Variants in NMNAT3 observed in about 807,000 individuals in gnomAD.
NMNAT3 encodes nicotinamide nucleotide adenylyltransferase 3.
Under a neutral mutation model 24.8 loss-of-function variants are expected in NMNAT3, and 21 were observed. The observed-to-expected ratio is 0.85, with a 90% CI of 0.60 to 1.22. The LOEUF (loss-of-function observed/expected upper bound fraction) is 1.22, where lower values mean the gene tolerates loss of function less well. Among genes scored for constraint, NMNAT3 ranks in the 50% most tolerant of loss-of-function variants. NMNAT3 has a pLI of 0.00. For missense variants in NMNAT3, 387 were observed against 436.6 expected (o/e 0.89, Z 1.01); for synonymous variants, 136 against 155.2 (o/e 0.88, Z 0.92).
intron 3 of NMNAT3, among the ~76,000 whole-genome samples, chr3:139,591,208 G>T (rs889049439): frequency 6.6e-6 from 1 of 151,482 alleles, no homozygotes; most frequent in Middle Eastern, 3.4e-3. Flanking sequence ...AAGGGGTGAC[G>T]GACGCACCTG....
intron 6 of NMNAT3, among the ~76,000 whole-genome samples, chr3:139,563,514 C>T (rs1936729947): frequency 1.3e-5 from 2 of 152,008 alleles, no homozygotes; most frequent in Admixed American, 6.6e-5. Context: ...CATTGGGTAC[C>T]GTTTGATTCA....
chr3:139,621,002 G>A (rs187687001), intron 3 of NMNAT3, among the ~76,000 whole-genome samples: 116 of 151,890 alleles, frequency 7.6e-4, no homozygotes, highest in Middle Eastern at 6.8e-3. Flanking sequence ...TTGCTATGTC[G>A]CCCAGGTTGG....
rs186156545 is a variant in NMNAT3 at position 139,623,676 on chromosome 3, C to T, written c.109+3940G>A. Among the ~76,000 whole-genome samples the T allele has an allele frequency of 2.9e-3, 437 of 152,234 alleles. 1 individual carries two copies. The highest frequency in any genetic ancestry group is 3.4e-3 in the Non-Finnish European group (232 of 68,020). On this transcript the variant is annotated intron_variant, in intron 3 of 6. Transcript: ENST00000643695. ...TCAGCTCACTGCAACCTCTGCCTCCCAGGTTCAAGCAATTCCCTGCCTGAG... is the reference window on the plus strand; with the variant it reads ...TCAGCTCACTGCAACCTCTGCCTCCTAGGTTCAAGCAATTCCCTGCCTGAG...
At chr3:139,619,917 C>T (rs1427633305) in intron 3 of NMNAT3, among the ~76,000 whole-genome samples, 1 of 152,128 alleles carries the variant, frequency 6.6e-6, no homozygotes, top group East Asian at 1.9e-4. Context: ...AACACAGCAG[C>T]AATAACATTA....
intron 3 of NMNAT3, among the ~76,000 whole-genome samples, chr3:139,611,905 C>T (rs574549243): frequency 3.9e-4 from 60 of 152,304 alleles, no homozygotes; most frequent in African/African-American, 1.1e-3. Flanking sequence ...TGGTTGCTTA[C>T]GCCTGTAATC....
In NMNAT3 at chr3:139,561,396, C is replaced by T. The variant is rs775831982; in HGVS notation, c.659-4G>A. ...AGAAGCTTCAGCTCAGGCACAGCTG[C>T]AAAAACAAGGATGGACCCAGTAAAG... On this transcript the variant is annotated splice_polypyrimidine_tract_variant and splice_region_variant and intron_variant, in intron 6 of 6. Coordinates refer to ENST00000643695, the MANE Select transcript of NMNAT3 (RefSeq NM_001320510.2). 5 of 1,609,082 alleles carry T rather than the reference C, an allele frequency of 3.1e-6. No homozygotes were observed. The African/African-American group carries it at 4.0e-5, about 13-fold the overall frequency.
chr3:139,665,373 G>A (rs2057543887), intron 1 of NMNAT3, among the ~76,000 whole-genome samples: 1 of 152,162 alleles, frequency 6.6e-6, no homozygotes, highest in African/African-American at 2.4e-5. Flanking sequence ...TCCCTCCTTG[G>A]CACAGACGTC....
At chr3:139,572,445 C>T (rs1041646583) in intron 6 of NMNAT3, among the ~76,000 whole-genome samples, 1 of 152,100 alleles carries the variant, frequency 6.6e-6, no homozygotes, top group African/African-American at 2.4e-5. Context: ...ATGCACAGCC[C>T]CCCAGACTGG....
chr3:139,632,498 A>C (rs1239303431), intron 2 of NMNAT3, among the ~76,000 whole-genome samples: 2 of 152,206 alleles, frequency 1.3e-5, no homozygotes, highest in Non-Finnish European at 2.9e-5. Context: ...TCCAGATTTT[A>C]CTGCCTAGAC....
intron 1 of NMNAT3, among the ~76,000 whole-genome samples, chr3:139,662,019 C>T (rs771749760): frequency 3.9e-5 from 6 of 152,016 alleles, no homozygotes; most frequent in Non-Finnish European, 7.4e-5. Flanking sequence ...TGAATGTCCC[C>T]GCAAAATCCT....
At position 139,670,242 on chromosome 3, in the gene NMNAT3, G is replaced by A. The variant is rs114569040; in HGVS notation, c.-141+7463C>T. 4.9e-3 allele frequency among the ~76,000 whole-genome samples: 741 copies of A among 152,314 alleles called. 5 individuals carry two copies. The highest frequency in any genetic ancestry group is 0.016 in the African/African-American group (659 of 41,562). On this transcript the variant is annotated intron_variant, in intron 1 of 6. Transcript: ENST00000643695. ...AGACACTGTCAGTGCCATGCCCTGA[G>A]CCCCAGGCCTCATCGTCTTAGAGCA...
chr3:139,654,187 G>C (rs994368975), intron 1 of NMNAT3, among the ~76,000 whole-genome samples: 1 of 152,194 alleles, frequency 6.6e-6, no homozygotes, highest in Non-Finnish European at 1.5e-5. Flanking sequence ...TAAGCATTTG[G>C]CAATTAATCT....
chr3:139,670,236 C>T lies in NMNAT3; in HGVS notation c.-141+7469G>A, dbSNP rs567720129. 3.2e-4 allele frequency among the ~76,000 whole-genome samples: 48 copies of T among 152,320 alleles called. No homozygotes were observed. In the South Asian group the frequency reaches 9.1e-3, roughly 29 times the overall value. On this transcript the variant is annotated intron_variant, in intron 1 of 6. Transcript: ENST00000643695. ...TACAGCAGACACTGTCAGTGCCATG[C>T]CCTGAGCCCCAGGCCTCATCGTCTT...
At chr3:139,585,307 CTTTTAA>C (rs896914151) in intron 3 of NMNAT3, among the ~76,000 whole-genome samples, 2 of 152,064 alleles carry the variant, frequency 1.3e-5, no homozygotes, top group Non-Finnish European at 2.9e-5. Context: ...TTTCAATGAA[CTTTTAA>C]TTTTGTTTAT....
At chr3:139,616,365 T>G (rs1165128580) in intron 3 of NMNAT3, among the ~76,000 whole-genome samples, 2 of 152,194 alleles carry the variant, frequency 1.3e-5, no homozygotes, top group African/African-American at 2.4e-5. Flanking sequence ...TGTAAGCCGA[T>G]TCTCCTTTGT....
At chr3:139,595,321 C>G (rs2054397220) in intron 3 of NMNAT3, among the ~76,000 whole-genome samples, 1 of 152,142 alleles carries the variant, frequency 6.6e-6, no homozygotes, top group Non-Finnish European at 1.5e-5. Context: ...AGGATACAAA[C>G]AAATGGAAGA....
chr3:139,588,032 G>A (rs529913642), intron 3 of NMNAT3, among the ~76,000 whole-genome samples: 2 of 152,242 alleles, frequency 1.3e-5, no homozygotes, highest in South Asian at 2.1e-4. Context: ...GCACCCAGGA[G>A]AGGAGAGTCA....
intron 3 of NMNAT3, among the ~76,000 whole-genome samples, chr3:139,612,899 A>C (rs1172153355): frequency 2.0e-5 from 3 of 152,236 alleles, no homozygotes; most frequent in African/African-American, 7.2e-5. Flanking sequence ...TTCCCTATTT[A>C]ATAAATGGTG....
intron 3 of NMNAT3, among the ~76,000 whole-genome samples, chr3:139,617,735 T>G (rs1443039028): frequency 1.3e-5 from 2 of 152,218 alleles, no homozygotes. Flanking sequence ...ACTAACTGTC[T>G]CAATAACAGT....
Sources: allele counts gnomAD v4.1 joint callset (sites outside exome capture counted in the v4.1 genomes callset), GRCh38; gene constraint gnomAD v4.1.1; transcripts MANE v1.5; gene names NCBI Gene and HGNC (gene_info 2026-07-23, HGNC 2026-07-21).